The following ADARB2 variants were observed in gnomAD, a reference collection of about 807,000 sequenced individuals.
ADARB2 encodes the protein adenosine deaminase RNA specific B2 (inactive), also known as inactive double-stranded RNA-specific editase B2.
ADARB2 carries 25 observed loss-of-function variants against 62.2 expected under a neutral mutation model. That is an observed-to-expected ratio of 0.40 (90% CI 0.29 to 0.56). ADARB2 has a LOEUF of 0.56. Among genes scored for constraint, ADARB2 ranks in the 20% least tolerant of loss-of-function variants. The pLI is 0.43. For missense variants in ADARB2, 1,071 were observed against 1,077.4 expected, an observed-to-expected ratio of 0.99 and a Z score of 0.08; for synonymous variants, 572 against 500.8, an observed-to-expected ratio of 1.14 and a Z score of -1.90.
At chr10:1,604,059 C>G (rs1311703950) in intron 1 of ADARB2, among the ~76,000 whole-genome samples, 1 of 152,172 alleles carries the variant, frequency 6.6e-6, no homozygotes, top group Non-Finnish European at 1.5e-5. Context: ...CCCACCTCGG[C>G]CTCCCAAAGT....
chr10:1,600,840 G>T (rs560843033), intron 1 of ADARB2, among the ~76,000 whole-genome samples: 2 of 152,246 alleles, frequency 1.3e-5, no homozygotes, highest in African/African-American at 4.8e-5. Flanking sequence ...TGAGGCCCCT[G>T]TTCCATGGTG....
intron 1 of ADARB2, among the ~76,000 whole-genome samples, chr10:1,390,569 T>G (rs1278216665): frequency 6.6e-6 from 1 of 152,244 alleles, no homozygotes; most frequent in Non-Finnish European, 1.5e-5. Context: ...TTGAGGATGA[T>G]AGATATTAAA....
intron 1 of ADARB2, among the ~76,000 whole-genome samples, chr10:1,530,249 T>A (rs1347491547): frequency 6.6e-6 from 1 of 152,226 alleles, no homozygotes; most frequent in East Asian, 1.9e-4. Flanking sequence ...CAGAGCTCAG[T>A]GAGGGTCTCC....
chr10:1,625,570 C>T (rs1833756243), intron 1 of ADARB2, among the ~76,000 whole-genome samples: 1 of 152,086 alleles, frequency 6.6e-6, no homozygotes, highest in Non-Finnish European at 1.5e-5. Flanking sequence ...AGGTGGAGGC[C>T]ACAGAACAGC....
At chr10:1,616,272 T>C (rs1022712388) in intron 1 of ADARB2, among the ~76,000 whole-genome samples, 2 of 152,252 alleles carry the variant, frequency 1.3e-5, no homozygotes, top group Non-Finnish European at 2.9e-5. Context: ...GCTAGAACTT[T>C]GTATTTCTCT....
At chr10:1,376,886 T>C (rs1033672712) in intron 2 of ADARB2, among the ~76,000 whole-genome samples, 1 of 142,522 alleles carries the variant, frequency 7.0e-6, no homozygotes, top group Non-Finnish European at 1.5e-5. Context: ...TGGGGGGGGT[T>C]GTGTGCTCCT....
At chr10:1,571,488 T>C (rs1356111456) in intron 1 of ADARB2, among the ~76,000 whole-genome samples, 1 of 152,218 alleles carries the variant, frequency 6.6e-6, no homozygotes, top group Admixed American at 6.5e-5. Context: ...ATTTGAAATG[T>C]TTTTCTGCTG....
rs1831415264 is a variant in ADARB2 at position 1,477,363 on chromosome 10, T to C, written c.101-98203A>G. Among the ~76,000 whole-genome samples the C allele has an allele frequency of 6.6e-6, 1 of 152,146 alleles. No individual in the cohort carries two copies. ...GTTCCCAAATACCTCACTCCACAAG[T>C]AGCCCCAGCAGCATGACCTTATCTG... On this transcript the variant is annotated intron_variant, in intron 1 of 9. Transcript: ENST00000381312. This position sits in a 1 kb window ranked among gnomAD's most constrained non-coding sequence, Gnocchi z 4.5.
At chr10:1,407,315 G>T (rs1832715454) in intron 1 of ADARB2, among the ~76,000 whole-genome samples, 1 of 152,206 alleles carries the variant, frequency 6.6e-6, no homozygotes, top group Non-Finnish European at 1.5e-5. Flanking sequence ...TCTTCTACAA[G>T]TGCCATTGGA....
chr10:1,718,834 C>T (rs978297491), intron 1 of ADARB2, among the ~76,000 whole-genome samples: 4 of 152,140 alleles, frequency 2.6e-5, no homozygotes, highest in Non-Finnish European at 4.4e-5. Context: ...CTGAGCCTCT[C>T]GGCAAGATGA....
chr10:1,519,329 G>T (rs552567762), intron 1 of ADARB2, among the ~76,000 whole-genome samples: 1 of 151,362 alleles, frequency 6.6e-6, no homozygotes, highest in East Asian at 2.0e-4. Flanking sequence ...CATGTATTCC[G>T]TGTAACATCT....
intron 1 of ADARB2, among the ~76,000 whole-genome samples, chr10:1,643,002 G>A (rs935951487): frequency 2.0e-5 from 3 of 152,220 alleles, no homozygotes; most frequent in African/African-American, 7.2e-5. Flanking sequence ...CAAGCGCAGG[G>A]CCAAGAGGCC....
intron 6 of ADARB2, among the ~76,000 whole-genome samples, chr10:1,220,836 A>G (rs1830689082): frequency 6.6e-6 from 1 of 152,226 alleles, no homozygotes; most frequent in Admixed American, 6.5e-5. Flanking sequence ...TGCCATGACA[A>G]CAGGGAGGCC....
rs1731521567 is a variant in ADARB2, at chr10:1,634,008, C to G, written c.100+103043G>C. ...GGACACAGAGCTCCTCGTCTCCACC[C>G]TCTCTTCACACCTCCCTTGATCTGC... On this transcript the variant is annotated intron_variant, in intron 1 of 9. Transcript: ENST00000381312. Among the ~76,000 whole-genome samples the G allele has an allele frequency of 2.6e-5, 4 of 152,334 alleles. No individual in the cohort carries two copies. The South Asian group carries it at 8.3e-4, about 32-fold the overall frequency.
intron 3 of ADARB2, among the ~76,000 whole-genome samples, chr10:1,278,244 G>T (rs1351805977): frequency 6.6e-6 from 1 of 151,830 alleles, no homozygotes; most frequent in Non-Finnish European, 1.5e-5. Context: ...CCTCCCAAAA[G>T]TGCTGGGATT....
intron 1 of ADARB2, among the ~76,000 whole-genome samples, chr10:1,455,830 C>G (rs554805397): frequency 6.6e-6 from 1 of 152,146 alleles, no homozygotes; most frequent in South Asian, 2.1e-4. Context: ...ACTATTCCCC[C>G]CTTCTGTCTA....
intron 1 of ADARB2, among the ~76,000 whole-genome samples, chr10:1,621,496 G>A (rs1049170373): frequency 1.3e-5 from 2 of 151,506 alleles, no homozygotes; most frequent in African/African-American, 4.9e-5. Context: ...GCTCACTGCA[G>A]CCTCGGCCTC....
chr10:1,650,472 G>C (rs575141509), intron 1 of ADARB2, among the ~76,000 whole-genome samples: 1 of 150,906 alleles, frequency 6.6e-6, no homozygotes, highest in Admixed American at 6.6e-5. Flanking sequence ...ATGTGGTGCT[G>C]GTAGGCTGCA....
intron 1 of ADARB2, among the ~76,000 whole-genome samples, chr10:1,644,485 G>C (rs1834012743): frequency 6.6e-6 from 1 of 152,248 alleles, no homozygotes; most frequent in Non-Finnish European, 1.5e-5. Flanking sequence ...CAAAGGAGAG[G>C]GGAATTCTCA....
Sources: gnomAD v4.1 joint callset for allele counts (sites outside exome capture counted in the v4.1 genomes callset) on GRCh38, gnomAD v4.1.1 for gene constraint, Gnocchi (gnomAD v3.1) non-coding constraint, MANE v1.5 for transcripts, NCBI Gene and HGNC (gene_info 2026-07-23, HGNC 2026-07-21) for gene names.